The following HEMK2 variants were observed in gnomAD, a reference collection of about 807,000 sequenced individuals.
The protein encoded by HEMK2 is methyltransferase HEMK2.
At chr21:28,585,329 C>CTAAATAAATAAATAAA in the HEMK2 span, among the ~76,000 whole-genome samples, 11 of 141,406 alleles carry the variant, frequency 7.8e-5, no homozygotes, top group African/African-American at 1.8e-4. Context: ...AAGACTCTGT[C>CTAAATAAATAAATAAA]TAAATAAATA....
chr21:28,846,428 G>A, the HEMK2 span, among the ~76,000 whole-genome samples: 1 of 152,006 alleles, frequency 6.6e-6, no homozygotes, highest in African/African-American at 2.4e-5. Flanking sequence ...ATATATAAGT[G>A]TTCCTTTTCT....
chr21:28,714,916 T>TTTGC, the HEMK2 span, among the ~76,000 whole-genome samples: 1 of 152,182 alleles, frequency 6.6e-6, no homozygotes, highest in African/African-American at 2.4e-5. Context: ...CCTGTGTTAA[T>TTTGC]TTGCTTAGGA....
the HEMK2 span, among the ~76,000 whole-genome samples, chr21:28,846,791 A>G: frequency 6.6e-6 from 1 of 152,024 alleles, no homozygotes; most frequent in Non-Finnish European, 1.5e-5. Flanking sequence ...TCCTCCCACC[A>G]TCTACCCTCA....
At chr21:28,643,321 A>G in the HEMK2 span, among the ~76,000 whole-genome samples, 3 of 152,108 alleles carry the variant, frequency 2.0e-5, no homozygotes, top group East Asian at 5.8e-4. Flanking sequence ...CATAAATGGG[A>G]TTAGTACCCT....
the HEMK2 span, among the ~76,000 whole-genome samples, chr21:28,625,052 A>T: frequency 6.6e-6 from 1 of 152,222 alleles, no homozygotes; most frequent in African/African-American, 2.4e-5. Context: ...GCCTTTTTAC[A>T]AATCCTCAGC....
the HEMK2 span, among the ~76,000 whole-genome samples, chr21:28,747,514 T>G: frequency 0.19 from 29,463 of 152,160 alleles, 3,561 homozygotes; most frequent in African/African-American, 0.34. Flanking sequence ...AATAGTTCTA[T>G]TCAACCCTCA....
At chr21:28,716,722 C>A in the HEMK2 span, among the ~76,000 whole-genome samples, 2 of 152,182 alleles carry the variant, frequency 1.3e-5, no homozygotes, top group East Asian at 3.9e-4. Context: ...CAGCTTTCAT[C>A]CATTCAGTAC....
At chr21:28,880,933 A>AAAT in the HEMK2 span, among the ~76,000 whole-genome samples, 1 of 147,816 alleles carries the variant, frequency 6.8e-6, no homozygotes, top group East Asian at 1.9e-4. Flanking sequence ...TTATTTAAAA[A>AAAT]AAAAAAAAAA....
At chr21:28,757,838 A>G in the HEMK2 span, among the ~76,000 whole-genome samples, 16 of 152,308 alleles carry the variant, frequency 1.1e-4, no homozygotes, top group African/African-American at 3.6e-4. Context: ...GAGTTTGTTC[A>G]GGAGCTTTTC....
chr21:28,821,943 G>A, the HEMK2 span, among the ~76,000 whole-genome samples: 1 of 152,146 alleles, frequency 6.6e-6, no homozygotes, highest in Non-Finnish European at 1.5e-5. Flanking sequence ...CTTTGGATCT[G>A]GATACTGGAA....
the HEMK2 span, chr21:28,874,578 T>C: frequency 6.6e-6 from 1 of 152,254 alleles, no homozygotes; most frequent in Non-Finnish European, 1.5e-5. Flanking sequence ...GCTACTTTGC[T>C]CATGAAACAA....
At chr21:28,794,742 G>T in the HEMK2 span, among the ~76,000 whole-genome samples, 4 of 152,314 alleles carry the variant, frequency 2.6e-5, no homozygotes, top group African/African-American at 9.6e-5. Flanking sequence ...AACCACTGAA[G>T]AACAATGGGA....
the HEMK2 span, among the ~76,000 whole-genome samples, chr21:28,822,921 A>C: frequency 2.6e-5 from 4 of 152,072 alleles, no homozygotes; most frequent in Non-Finnish European, 1.5e-5. Flanking sequence ...CTGCTTGCTG[A>C]CAACTGTAGT....
At chr21:28,882,613 G>GAA in the HEMK2 span, among the ~76,000 whole-genome samples, 26 of 151,554 alleles carry the variant, frequency 1.7e-4, 1 homozygote, top group Admixed American at 5.2e-4. Flanking sequence ...CACAGGAAAT[G>GAA]AAAAAAAACA....
chr21:28,780,741 C>T, the HEMK2 span, among the ~76,000 whole-genome samples: 17 of 152,232 alleles, frequency 1.1e-4, no homozygotes, highest in East Asian at 5.8e-4. Flanking sequence ...CAAGTCCCAA[C>T]GCCCTAGACG....
chr21:28,726,519 T>G, the HEMK2 span, among the ~76,000 whole-genome samples: 2 of 152,238 alleles, frequency 1.3e-5, no homozygotes, highest in African/African-American at 4.8e-5. Flanking sequence ...TTTAAGTAGT[T>G]GAAAATAGAA....
At chr21:28,732,118 C>T in the HEMK2 span, among the ~76,000 whole-genome samples, 3 of 152,232 alleles carry the variant, frequency 2.0e-5, no homozygotes, top group Non-Finnish European at 4.4e-5. Context: ...GATGGTGACA[C>T]TTGGCTTCCT....
the HEMK2 span, among the ~76,000 whole-genome samples, chr21:28,819,445 A>G: frequency 0.18 from 27,119 of 151,900 alleles, 3,055 homozygotes; most frequent in East Asian, 0.4. Context: ...ACTCAAATAC[A>G]TGAGAATATT....
the HEMK2 span, among the ~76,000 whole-genome samples, chr21:28,624,138 G>C: frequency 6.6e-6 from 1 of 152,170 alleles, no homozygotes; most frequent in Non-Finnish European, 1.5e-5. Flanking sequence ...GTATAAACTG[G>C]AATGTATGAG....
Sources: allele counts gnomAD v4.1 joint callset (sites outside exome capture counted in the v4.1 genomes callset), GRCh38; gene constraint gnomAD v4.1.1; transcripts MANE v1.5; gene names NCBI Gene and HGNC (gene_info 2026-07-23, HGNC 2026-07-21).